The following PPDPF variants were observed in gnomAD, a reference collection of about 807,000 sequenced individuals.
PPDPF encodes pancreatic progenitor cell differentiation and proliferation factor.
PPDPF carries 11 observed loss-of-function variants against 6.3 expected under a neutral mutation model. The ratio of observed to expected loss-of-function variants is 1.76; its 90% CI spans 1.11 to 2.91. The LOEUF is 2.91. PPDPF is among the 30% of genes most tolerant of loss of function. The pLI is 0.00. For synonymous variants in PPDPF, 86 were observed against 64.5 expected (o/e 1.33, Z -1.60); for missense variants, 202 against 159.4 (o/e 1.27, Z -1.44).
rs1347716624 is a variant in PPDPF at position 63,521,358 on chromosome 20, AC to A, written c.52del (p.Arg18GlyfsTer70). On this transcript the variant is annotated frameshift_variant, in exon 2 of 4. Coordinates refer to ENST00000370179, the MANE Select transcript of PPDPF (RefSeq NM_024299.4). LOFTEE classifies it high-confidence loss of function. The part of the protein sequence containing the change: ...SGSLVATHDY[Y>X]RRRLGSTSSN... ...TCGCTCGTGGCCACCCACGACTACTACCGGCGTGAGTAGCCCCTGCCCCCCA... is the reference window on the plus strand; with the variant it reads ...TCGCTCGTGGCCACCCACGACTACTACGGCGTGAGTAGCCCCTGCCCCCCA... The A allele has an allele frequency of 1.9e-6, 3 of 1,608,988 alleles. No homozygotes were observed. Among genetic ancestry groups the A allele is most frequent in the Admixed American group, 1.7e-5 (1 of 59,768 alleles).
rs2082553178 is a variant in PPDPF at position 63,521,961 on chromosome 20, T to G, written c.*82T>G. Reference sequence around the variant, plus strand: ...TCCCCGCCCCTCTCCCCACTCCGCATCCCTCGCCCCCCTCCCCACCTCCCA... The same window carrying G: ...TCCCCGCCCCTCTCCCCACTCCGCAGCCCTCGCCCCCCTCCCCACCTCCCA... On this transcript the variant is annotated 3_prime_UTR_variant, in exon 4 of 4. Transcript: ENST00000370179. 1.1e-5 allele frequency: 9 copies of G among 837,942 alleles called. No individual in the cohort carries two copies. Among genetic ancestry groups the G allele is most frequent in the Non-Finnish European group, 1.3e-5 (8 of 618,578 alleles). The allele number at this position is 837,942 out of a possible 1,614,324, so 51.9% of individuals were successfully genotyped here.
chr20:63,521,416 G>T, intron 2 of PPDPF, 53 bp downstream of exon 2: 1 of 1,588,162 alleles, frequency 6.3e-7, no homozygotes, highest in Non-Finnish European at 8.6e-7. Flanking sequence ...CGCCAGTGCC[G>T]GCCCCGTGCA....
intron 3 of PPDPF, 31 bp from the exon 4 acceptor site, chr20:63,521,637 C>G (rs1242290716): frequency 5.0e-6 from 8 of 1,611,728 alleles, no homozygotes; most frequent in Admixed American, 1.7e-5. Flanking sequence ...CAGGAGCTGG[C>G]AGCATCAAGA....
Position 63,520,831 on chromosome 20 carries a change from C to T in PPDPF, c.-89C>T. 1 of 986,392 alleles carries T rather than the reference C, an allele frequency of 1.0e-6. No homozygotes were observed. Among genetic ancestry groups the T allele is most frequent in the Non-Finnish European group, 1.2e-6 (1 of 830,880 alleles). 61.1% of individuals were successfully genotyped at this position (986,392 alleles called of 1,614,324 possible). A position where few individuals can be genotyped will look rare whatever the true frequency, so the allele number is the denominator to read the frequency against. On this transcript the variant is annotated 5_prime_UTR_variant, in exon 1 of 4. Transcript: ENST00000370179. ...TCTTCTCTGCAAATGGGCTCCGTGG[C>T]CTAGCGCCCCCGTCCCCGCCACCCG...
rs1327850970 is a variant in PPDPF, at chr20:63,521,401, G to C, written c.55+38G>C. ...TGCCCCCCATCCACGCGGATGCTCT[G>C]CTGGCGCCAGTGCCGGCCCCGTGCA... On this transcript the variant is annotated intron_variant, in intron 2 of 3. Coordinates refer to ENST00000370179, the MANE Select transcript of PPDPF (RefSeq NM_024299.4). 3 of 1,600,728 alleles carry C rather than the reference G, an allele frequency of 1.9e-6. No homozygotes were observed. In the African/African-American group the frequency reaches 4.0e-5, roughly 21 times the overall value.
At chr20:63,521,191 T>G in intron 1 of PPDPF, 93 bp from the exon 2 acceptor site, 2 of 1,222,578 alleles carry the variant, frequency 1.6e-6, no homozygotes, top group Non-Finnish European at 2.2e-6. Flanking sequence ...CCCGCCTCGG[T>G]AAATAACCCA....
At chr20:63,521,243 A>G in intron 1 of PPDPF, 41 bp from the exon 2 acceptor site, 1 of 1,505,494 alleles carries the variant, frequency 6.6e-7, no homozygotes, top group Non-Finnish European at 9.0e-7. Flanking sequence ...TTCATGACGG[A>G]AGGCCGCTGA....
chr20:63,521,981 CT>C lies in PPDPF; in HGVS notation c.*103del. The C allele has an allele frequency of 4.5e-5, 38 of 844,000 alleles. No individual in the cohort carries two copies. The highest frequency in any genetic ancestry group is 1.7e-5 in the Non-Finnish European group (9 of 543,214). 52.3% of individuals were successfully genotyped at this position (844,000 alleles called of 1,614,324 possible). On this transcript the variant is annotated 3_prime_UTR_variant, in exon 4 of 4. Transcript: ENST00000370179. The stretch of plus-strand genomic sequence containing the variant: ...CCGCATCCCTCGCCCCCCTCCCCAC[CT>C]CCCACCCCCCACCCTGTAAACTAGG...
Position 63,521,883 on chromosome 20 carries a change from G to T in PPDPF, c.*4G>T, listed in dbSNP as rs776086297. 1 of 1,574,422 alleles carries T rather than the reference G, an allele frequency of 6.4e-7. No individual in the cohort carries two copies. The highest frequency in any genetic ancestry group is 1.1e-5 in the South Asian group (1 of 87,218). On this transcript the variant is annotated 3_prime_UTR_variant, in exon 4 of 4. Coordinates refer to ENST00000370179, the MANE Select transcript of PPDPF (RefSeq NM_024299.4). ...CAGCGCTGGGCCCCCGTCCTGACCT[G>T]AGCGGTTACCACCAGCCCCAGGCCT...
chr20:63,521,024 T>A, intron 1 of PPDPF, 130 bp downstream of exon 1: 1 of 370,058 alleles, frequency 2.7e-6, no homozygotes, highest in Non-Finnish European at 4.5e-6. Context: ...CGGGCTCCTC[T>A]CGGGTCGGGC....
At chr20:63,521,116 C>T (rs2145960686) in intron 1 of PPDPF, among the ~76,000 whole-genome samples, 168 bp from the exon 2 acceptor site, 1 of 152,106 alleles carries the variant, frequency 6.6e-6, no homozygotes, top group African/African-American at 2.4e-5. Flanking sequence ...CCCGCTCGGC[C>T]GGTTTGGGCT....
chr20:63,520,770 G>GCGCGCGCGCACCCCT lies in PPDPF; in HGVS notation c.-143_-142insGCACCCCTCGCGCGC. 1 of 984,814 alleles carries GCGCGCGCGCACCCCT rather than the reference G, an allele frequency of 1.0e-6. No individual in the cohort carries two copies. The highest frequency in any genetic ancestry group is 1.7e-5 in the African/African-American group (1 of 57,214). The allele number at this position is 984,814 out of a possible 1,614,324, so 61.0% of individuals were successfully genotyped here. A position where few individuals can be genotyped will look rare whatever the true frequency, so the allele number is the denominator to read the frequency against. Reference sequence around the variant, plus strand: ...GGGCGCGTCCGCGCGTGCGCACCCCGCGCGCGCCTCTCTGTCGTGGCGCGG... The same window carrying GCGCGCGCGCACCCCT: ...GGGCGCGTCCGCGCGTGCGCACCCCGCGCGCGCGCACCCCTCGCGCGCCTCTCTGTCGTGGCGCGG... On this transcript the variant is annotated 5_prime_UTR_variant, in exon 1 of 4. Transcript: ENST00000370179.
Position 63,521,294 on chromosome 20 carries a change from C to T in PPDPF, c.-15C>T, listed in dbSNP as rs1365095055. The T allele has an allele frequency of 6.2e-7, 1 of 1,607,732 alleles. No individual in the cohort carries two copies. Among genetic ancestry groups the T allele is most frequent in the African/African-American group, 1.3e-5 (1 of 74,734 alleles). On this transcript the variant is annotated 5_prime_UTR_variant, in exon 2 of 4. Coordinates refer to ENST00000370179, the MANE Select transcript of PPDPF (RefSeq NM_024299.4). ...CACCCCCATGCGCAGATCCCACCAG[C>T]CAGCAAGCTAAAGCATGGCGGCCAT...
In PPDPF at chr20:63,521,795, G is replaced by T. The variant is rs778293477; in HGVS notation, c.261G>T (p.Met87Ile). 8 of 1,612,266 alleles carry T rather than the reference G, an allele frequency of 5.0e-6. No homozygotes were observed. In the East Asian group the frequency reaches 1.8e-4, roughly 36 times the overall value. Residue 87 changes from methionine (M) to isoleucine (I), a missense_variant, in exon 4 of 4, where the codon ATG (methionine) becomes ATT (isoleucine). By Grantham distance (10) the Met-to-Ile change is conservative. Coordinates refer to ENST00000370179, the MANE Select transcript of PPDPF (RefSeq NM_024299.4). ...AACCTCCCCAGGCCTCCAGCAGCAT[G>T]ACCGCCTGTGGCCTGGCTCGGGACG... ...HSEPPQASSS[M>I]TACGLARDAP...
At chr20:63,521,475 C>G in intron 2 of PPDPF, 37 bp from the exon 3 acceptor site, 10 of 1,556,984 alleles carry the variant, frequency 6.4e-6, no homozygotes, top group Non-Finnish European at 7.8e-6. Flanking sequence ...TGGGGGGCTC[C>G]GCGCCCCGCG....
upstream of PPDPF, chr20:63,520,757 G>C (rs1213453449): frequency 3.0e-6 from 3 of 984,714 alleles, no homozygotes; most frequent in African/African-American, 5.3e-5. Context: ...GCGCGTCCGC[G>C]CGTGCGCACC....
Position 63,522,135 on chromosome 20 carries a change from A to G in PPDPF, c.*256A>G. The G allele has an allele frequency of 1.8e-6, 1 of 551,318 alleles. No homozygotes were observed. The highest frequency in any genetic ancestry group is 3.4e-6 in the Non-Finnish European group (1 of 298,106). The allele number at this position is 551,318 out of a possible 1,614,324, so 34.2% of individuals were successfully genotyped here. The stretch of plus-strand genomic sequence containing the variant: ...CACCTGGAACTGTGCACCTGGCACC[A>G]AGCGGAAAATAAACTCCAAGCAGCC... On this transcript the variant is annotated 3_prime_UTR_variant, in exon 4 of 4. Coordinates refer to ENST00000370179, the MANE Select transcript of PPDPF (RefSeq NM_024299.4).
chr20:63,520,930 CCGAGGGGCGGGGGG>C (rs1278310397), intron 1 of PPDPF, 36 bp downstream of exon 1: 17 of 1,009,316 alleles, frequency 1.7e-5, no homozygotes, highest in East Asian at 9.3e-5. Context: ...ACGAGCAGGC[CCGAGGGGCGGGGGG>C]CGAGGGGCGG....
rs867170114 is a variant in PPDPF at position 63,521,841 on chromosome 20, G to A, written c.307G>A (p.Gly103Ser). The A allele has an allele frequency of 2.5e-6, 4 of 1,607,008 alleles. No individual in the cohort carries two copies. The highest frequency in any genetic ancestry group is 2.2e-5 in the South Asian group (2 of 90,442). ...ARDAPRKQPG[G>S]QSSTASAGPP... The stretch of plus-strand genomic sequence containing the variant: ...GGACGCCCCGAGGAAGCAGCCCGGC[G>A]GTCAGTCCAGCACAGCCAGCGCTGG... Residue 103 changes from glycine (G) to serine (S), a missense_variant, in exon 4 of 4, where the codon GGT (glycine) becomes AGT (serine). Gly to Ser is a moderately conservative substitution (Grantham distance 56, BLOSUM62 0). Coordinates refer to ENST00000370179, the MANE Select transcript of PPDPF (RefSeq NM_024299.4).
Sources: allele counts gnomAD v4.1 joint callset (sites outside exome capture counted in the v4.1 genomes callset), GRCh38; gene constraint gnomAD v4.1.1; transcripts MANE v1.5; gene names NCBI Gene and HGNC (gene_info 2026-07-23, HGNC 2026-07-21).